SGCZ: variants seen among roughly 807,000 people sequenced by gnomAD.
SGCZ encodes the protein zeta-sarcoglycan.
SGCZ carries 40 observed loss-of-function variants against 41.3 expected under a neutral mutation model. The observed-to-expected ratio is 0.97, with a 90% confidence interval of 0.75 to 1.26. SGCZ has a LOEUF of 1.26. Among genes scored for constraint, SGCZ ranks in the 50% most tolerant of loss-of-function variants. The probability of loss-of-function intolerance (pLI) is 0.00; values close to 1 mark genes in which losing one functional copy is unlikely to be tolerated. For synonymous variants in SGCZ, 206 were observed against 137.5 expected, an observed-to-expected ratio of 1.50 and a Z score of -3.49; for missense variants, 552 against 369.8, an observed-to-expected ratio of 1.49 and a Z score of -4.04.
chr8:14,796,125 C>A lies in SGCZ; in HGVS notation c.40-241199G>T, dbSNP rs574209870. On this transcript the variant is annotated intron_variant, in intron 1 of 7. Coordinates refer to ENST00000382080, the MANE Select transcript of SGCZ (RefSeq NM_139167.4). ...GTCTTTGCTATTGTGAATAGTTCTG[C>A]AATGAGCATATCTGTGCATGGGTCT... 2.0e-5 allele frequency among the ~76,000 whole-genome samples: 3 copies of A among 152,284 alleles called. No homozygotes were observed. The South Asian group carries it at 6.2e-4, about 32-fold the overall frequency.
chr8:14,735,565 G>A (rs1332155197), intron 1 of SGCZ, among the ~76,000 whole-genome samples: 2 of 152,072 alleles, frequency 1.3e-5, no homozygotes, highest in Non-Finnish European at 2.9e-5. Context: ...CTGCACTATT[G>A]GCTTCCCTAC....
intron 3 of SGCZ, among the ~76,000 whole-genome samples, chr8:14,286,421 T>C (rs181177402): frequency 3.0e-4 from 46 of 152,034 alleles, no homozygotes; most frequent in East Asian, 1.7e-3. Context: ...TAAAATGACA[T>C]AGATAACTCA....
intron 5 of SGCZ, among the ~76,000 whole-genome samples, chr8:14,138,530 G>C (rs1326748691): frequency 1.3e-5 from 2 of 151,686 alleles, no homozygotes; most frequent in African/African-American, 4.8e-5. Context: ...AAAAAAGGGG[G>C]GGTTGCATTT....
intron 1 of SGCZ, among the ~76,000 whole-genome samples, chr8:14,564,214 A>G (rs1229644455): frequency 6.6e-6 from 1 of 152,196 alleles, no homozygotes; most frequent in African/African-American, 2.4e-5. Flanking sequence ...TGACCATGCA[A>G]ATTTAATCTG....
chr8:14,582,583 A>T (rs1357220410), intron 1 of SGCZ, among the ~76,000 whole-genome samples: 1 of 150,628 alleles, frequency 6.6e-6, no homozygotes, highest in African/African-American at 2.5e-5. Context: ...ATATGTATAC[A>T]TGTGCCATGC....
intron 1 of SGCZ, among the ~76,000 whole-genome samples, chr8:14,716,705 A>C (rs1381354351): frequency 6.6e-6 from 1 of 152,064 alleles, no homozygotes; most frequent in Non-Finnish European, 1.5e-5. Context: ...AGATAACACA[A>C]GTTTCTAAAT....
At chr8:14,863,070 C>T (rs1427932363) in intron 1 of SGCZ, among the ~76,000 whole-genome samples, 1 of 152,052 alleles carries the variant, frequency 6.6e-6, no homozygotes, top group African/African-American at 2.4e-5. Context: ...GAGTTCATCG[C>T]TCGGTTATGT....
intron 1 of SGCZ, among the ~76,000 whole-genome samples, chr8:15,134,494 G>A (rs1185875313): frequency 2.0e-5 from 3 of 151,508 alleles, no homozygotes; most frequent in Admixed American, 1.3e-4. Context: ...TACTCATATT[G>A]AAAAATAGCG....
At chr8:15,152,641 T>C (rs1799212408) in intron 1 of SGCZ, among the ~76,000 whole-genome samples, 1 of 152,182 alleles carries the variant, frequency 6.6e-6, no homozygotes, top group African/African-American at 2.4e-5. Flanking sequence ...AGAATATAAA[T>C]CACACTCCTT....
intron 1 of SGCZ, among the ~76,000 whole-genome samples, chr8:14,786,126 T>C (rs905800156): frequency 6.7e-6 from 1 of 148,282 alleles, no homozygotes; most frequent in Admixed American, 6.6e-5. Flanking sequence ...CTCAAATTTT[T>C]CTTATTCCAT....
intron 2 of SGCZ, among the ~76,000 whole-genome samples, chr8:14,420,576 A>G (rs1263590923): frequency 6.6e-6 from 1 of 152,070 alleles, no homozygotes; most frequent in Non-Finnish European, 1.5e-5. Context: ...GTTACCCAAC[A>G]GATACCAAAA....
intron 1 of SGCZ, among the ~76,000 whole-genome samples, chr8:14,856,224 A>G (rs1803541048): frequency 6.6e-6 from 1 of 152,186 alleles, no homozygotes; most frequent in Non-Finnish European, 1.5e-5. Context: ...TTATGATTCA[A>G]TGAAAATAAA....
intron 3 of SGCZ, among the ~76,000 whole-genome samples, chr8:14,297,987 T>A (rs1384199181): frequency 2.0e-5 from 3 of 151,960 alleles, no homozygotes; most frequent in Non-Finnish European, 4.4e-5. Flanking sequence ...AAAACGGCCC[T>A]AGCAATAAAT....
In SGCZ at chr8:14,325,779, T is replaced by C. The variant is rs1211184186; in HGVS notation, c.235-1575A>G. On this transcript the variant is annotated intron_variant, in intron 2 of 7. Coordinates refer to ENST00000382080, the MANE Select transcript of SGCZ (RefSeq NM_139167.4). The stretch of plus-strand genomic sequence containing the variant: ...ATATATATATATATATATATATATA[T>C]ATATATATATATATCAACCAGCACA... Among the ~76,000 whole-genome samples the C allele has an allele frequency of 2.0e-3, 148 of 74,262 alleles. 3 individuals carry two copies. The highest frequency in any genetic ancestry group is 7.6e-3 in the African/African-American group (133 of 17,502). 48.7% of individuals were successfully genotyped at this position (74,262 alleles called of 152,430 possible).
chr8:14,231,199 T>G (rs1304696097), intron 4 of SGCZ, among the ~76,000 whole-genome samples: 963 of 40,744 alleles, frequency 0.024, no homozygotes, highest in Middle Eastern at 0.058. Flanking sequence ...GTGTGTGTAG[T>G]GGGGAGAGAG....
At chr8:14,829,726 G>A (rs1439658319) in intron 1 of SGCZ, among the ~76,000 whole-genome samples, 1 of 151,680 alleles carries the variant, frequency 6.6e-6, no homozygotes. Context: ...AAAGTTGGAT[G>A]TTTAATTTAA....
At chr8:14,264,911 C>T (rs977893511) in intron 3 of SGCZ, among the ~76,000 whole-genome samples, 4 of 152,068 alleles carry the variant, frequency 2.6e-5, no homozygotes, top group Non-Finnish European at 4.4e-5. Flanking sequence ...TGCAGTGAGC[C>T]GAGATGGCGC....
At chr8:14,742,527 G>C (rs1799224560) in intron 1 of SGCZ, among the ~76,000 whole-genome samples, 1 of 151,934 alleles carries the variant, frequency 6.6e-6, no homozygotes, top group Non-Finnish European at 1.5e-5. Flanking sequence ...TACAATATAG[G>C]AAATTCAGGG....
intron 1 of SGCZ, among the ~76,000 whole-genome samples, chr8:14,981,404 G>A (rs1801658562): frequency 6.6e-6 from 1 of 152,324 alleles, no homozygotes; most frequent in East Asian, 1.9e-4. Context: ...ACTGAGAGAA[G>A]AATCAACTGG....
Sources: gnomAD v4.1 joint callset for allele counts (sites outside exome capture counted in the v4.1 genomes callset) on GRCh38, gnomAD v4.1.1 for gene constraint, MANE v1.5 for transcripts, NCBI Gene and HGNC (gene_info 2026-07-23, HGNC 2026-07-21) for gene names.